The following RPH3AL variants were observed in gnomAD, a reference collection of about 807,000 sequenced individuals.
RPH3AL encodes rab effector Noc2.
In RPH3AL, 38 loss-of-function variants were observed where a neutral mutation model predicts 43.1. The ratio of observed to expected loss-of-function variants is 0.88; its 90% confidence interval spans 0.68 to 1.15. RPH3AL has a LOEUF of 1.15. Among genes scored for constraint, RPH3AL ranks in the 50% most tolerant of loss-of-function variants. RPH3AL has a pLI of 0.00. For missense variants in RPH3AL, 462 were observed against 423.2 expected (o/e 1.09, Z -0.81); for synonymous variants, 189 against 176.3 (o/e 1.07, Z -0.57).
intron 5 of RPH3AL, among the ~76,000 whole-genome samples, chr17:297,158 G>A (rs913610098): frequency 6.6e-6 from 1 of 152,218 alleles, no homozygotes; most frequent in Non-Finnish European, 1.5e-5. Flanking sequence ...AGCTGAACAC[G>A]TGGAGGTTCT....
intron 5 of RPH3AL, among the ~76,000 whole-genome samples, chr17:298,020 C>T (rs2043225350): frequency 6.6e-6 from 1 of 152,154 alleles, no homozygotes; most frequent in South Asian, 2.1e-4. Context: ...CCACGCCAGC[C>T]CCACACTTTG....
At chr17:266,202 T>TGG (rs2042316107) in intron 6 of RPH3AL, among the ~76,000 whole-genome samples, 1 of 144,138 alleles carries the variant, frequency 6.9e-6, no homozygotes, top group Admixed American at 6.8e-5. Flanking sequence ...AAGGCCCCAG[T>TGG]GGTGTGTGTG....
At chr17:252,474 A>G (rs1555542922) in intron 6 of RPH3AL, among the ~76,000 whole-genome samples, 1 of 152,162 alleles carries the variant, frequency 6.6e-6, no homozygotes, top group African/African-American at 2.4e-5. Flanking sequence ...AGGCTAATGT[A>G]GATGCAACCT....
chr17:263,214 A>G (rs1433863530), intron 6 of RPH3AL, among the ~76,000 whole-genome samples: 1 of 152,206 alleles, frequency 6.6e-6, no homozygotes, highest in African/African-American at 2.4e-5. Context: ...CACAGCTCAC[A>G]CACAGGGAGT....
At chr17:332,593 A>G (rs1226465197) in intron 2 of RPH3AL, 1 of 178,376 alleles carries the variant, frequency 5.6e-6, no homozygotes, top group Non-Finnish European at 1.2e-5. Flanking sequence ...GCTTTCCCAG[A>G]CAAGGAAGAA....
chr17:274,103 G>A lies in RPH3AL; in HGVS notation c.438+7665C>T, dbSNP rs1025660879. ...GTTTTCGTTTAGTGGATAGGGATTC[G>A]AGGCTAAACAGTAAATGAAATGAAT... On this transcript the variant is annotated intron_variant, in intron 6 of 9. Coordinates refer to ENST00000331302, the MANE Select transcript of RPH3AL (RefSeq NM_006987.4). The surrounding 1 kb of genome is among the most constrained non-coding windows in gnomAD (Gnocchi z 4.7). 2.0e-5 allele frequency among the ~76,000 whole-genome samples: 3 copies of A among 152,184 alleles called. No individual in the cohort carries two copies. The highest frequency in any genetic ancestry group is 6.5e-5 in the Admixed American group (1 of 15,276).
At chr17:291,607 C>T (rs1299177775) in intron 5 of RPH3AL, among the ~76,000 whole-genome samples, 4 of 152,116 alleles carry the variant, frequency 2.6e-5, no homozygotes, top group African/African-American at 9.7e-5. Flanking sequence ...ATGAGAGCCT[C>T]CACGTGTGTG....
At chr17:214,207 A>G (rs539003896) in intron 9 of RPH3AL, among the ~76,000 whole-genome samples, 20 of 152,332 alleles carry the variant, frequency 1.3e-4, no homozygotes, top group African/African-American at 4.8e-4. Flanking sequence ...GCACGGAAAG[A>G]GAACACCCTC....
intron 1 of RPH3AL, among the ~76,000 whole-genome samples, chr17:336,202 T>C (rs1172621340): frequency 6.6e-6 from 1 of 152,162 alleles, no homozygotes; most frequent in African/African-American, 2.4e-5. Context: ...ACATCTGCTC[T>C]GTTACTATGA....
chr17:277,541 G>C (rs951591634), intron 6 of RPH3AL, among the ~76,000 whole-genome samples: 1 of 152,206 alleles, frequency 6.6e-6, no homozygotes, highest in African/African-American at 2.4e-5. Context: ...CTGGCTTTGA[G>C]ATAGTCTACA....
chr17:342,654 TAG>T (rs1312619842), intron 1 of RPH3AL, among the ~76,000 whole-genome samples: 1 of 152,180 alleles, frequency 6.6e-6, no homozygotes, highest in African/African-American at 2.4e-5. Flanking sequence ...GACAAATTTA[TAG>T]AGACAGAAAG....
intron 6 of RPH3AL, among the ~76,000 whole-genome samples, chr17:272,677 A>G (rs1294163186): frequency 6.6e-6 from 1 of 150,776 alleles, no homozygotes; most frequent in African/African-American, 2.4e-5. Context: ...TAATGGGTGC[A>G]GCACACCAAC....
In RPH3AL at chr17:294,617, G is replaced by A. The variant is rs1044250991; in HGVS notation, c.352-12763C>T. On this transcript the variant is annotated intron_variant, in intron 5 of 9. Coordinates refer to ENST00000331302, the MANE Select transcript of RPH3AL (RefSeq NM_006987.4). ...AGGGAATGCACATCAGTGTGGGAGG[G>A]ACACAGATGCTGCAGAAATGGACAG... Among the ~76,000 whole-genome samples, 17 of 115,816 alleles carry A rather than the reference G, an allele frequency of 1.5e-4. 1 individual carries two copies. Among genetic ancestry groups the A allele is most frequent in the African/African-American group, 5.0e-4 (15 of 29,760 alleles). 76.0% of individuals were successfully genotyped at this position (115,816 alleles called of 152,430 possible).
intron 6 of RPH3AL, among the ~76,000 whole-genome samples, chr17:250,150 C>A (rs2041860097): frequency 6.7e-6 from 1 of 148,906 alleles, no homozygotes; most frequent in Non-Finnish European, 1.5e-5. Context: ...TTACTAAGCT[C>A]CATCGCTGCG....
intron 6 of RPH3AL, among the ~76,000 whole-genome samples, chr17:263,961 G>T (rs1178311264): frequency 6.6e-6 from 1 of 152,140 alleles, no homozygotes; most frequent in Non-Finnish European, 1.5e-5. Flanking sequence ...AGGCAGAGCT[G>T]GGTCCAGCAG....
intron 2 of RPH3AL, among the ~76,000 whole-genome samples, chr17:330,227 T>C (rs536224264): frequency 5.3e-5 from 8 of 152,324 alleles, no homozygotes; most frequent in African/African-American, 1.7e-4. Context: ...CATGCACATG[T>C]CCAGGCACCT....
Position 246,042 on chromosome 17 carries a change from G to A in RPH3AL, c.613+1069C>T, listed in dbSNP as rs552724970. Among the ~76,000 whole-genome samples the A allele has an allele frequency of 3.3e-5, 5 of 152,288 alleles. No homozygotes were observed. The highest frequency in any genetic ancestry group is 1.2e-4 in the African/African-American group (5 of 41,550). ...GCACAGATGCCGACCTACCTGGCAG[G>A]TCCACGTATGGGGGATTTATACCTT... On this transcript the variant is annotated intron_variant, in intron 7 of 9. Transcript: ENST00000331302. This position sits in a 1 kb window ranked among gnomAD's most constrained non-coding sequence, Gnocchi z 4.8.
At chr17:312,658 C>G (rs1049556387) in intron 5 of RPH3AL, among the ~76,000 whole-genome samples, 1 of 152,224 alleles carries the variant, frequency 6.6e-6, no homozygotes, top group African/African-American at 2.4e-5. Flanking sequence ...CTTTACTGCA[C>G]GCTGCCAATG....
intron 1 of RPH3AL, among the ~76,000 whole-genome samples, chr17:351,247 G>A (rs147195335): frequency 6.6e-6 from 1 of 151,998 alleles, no homozygotes; most frequent in African/African-American, 2.4e-5. Context: ...CTTTACCTGG[G>A]CCCTTAACTG....
Sources: allele counts gnomAD v4.1 joint callset (sites outside exome capture counted in the v4.1 genomes callset), GRCh38; gene constraint gnomAD v4.1.1; non-coding constraint Gnocchi (gnomAD v3.1); transcripts MANE v1.5; gene names NCBI Gene and HGNC (gene_info 2026-07-23, HGNC 2026-07-21).